PCDHGA1: variants seen among roughly 807,000 people sequenced by gnomAD.
PCDHGA1 encodes the protein protocadherin gamma subfamily A, 1.
PCDHGA1 carries 32 observed loss-of-function variants against 58.0 expected under a neutral mutation model. That is an observed-to-expected ratio of 0.55 (90% confidence interval 0.42 to 0.74). The LOEUF is 0.74. Among genes scored for constraint, PCDHGA1 ranks in the 30% least tolerant of loss-of-function variants. The probability of loss-of-function intolerance (pLI) is 0.00; values close to 1 mark genes in which losing one functional copy is unlikely to be tolerated. For synonymous variants in PCDHGA1, 498 were observed against 501.1 expected (o/e 0.99, Z 0.08); for missense variants, 1,205 against 1,182.3 (o/e 1.02, Z -0.28).
chr5:141,433,204 C>T, intron 1 of PCDHGA1: 6 of 1,566,938 alleles, frequency 3.8e-6, no homozygotes, highest in Admixed American at 2.0e-5. Flanking sequence ...ATCAAATCTT[C>T]TTTCTTTTTT....
rs1354510383 is a variant in PCDHGA1, at chr5:141,432,312, G to A, written c.2422-62495G>A. The A allele has an allele frequency of 5.6e-6, 9 of 1,614,132 alleles. No homozygotes were observed. The highest frequency in any genetic ancestry group is 7.6e-6 in the Non-Finnish European group (9 of 1,180,054). On this transcript the variant is annotated intron_variant, in intron 1 of 3. Transcript: ENST00000517417. The surrounding 1 kb of genome is among the most constrained non-coding windows in gnomAD (Gnocchi z 6.0). Reference sequence around the variant, plus strand: ...GACACTGGGGTACTGTATGCGCTGAGCTCCTTCGACTACGAGCAGTTCCGA... The same window carrying A: ...GACACTGGGGTACTGTATGCGCTGAACTCCTTCGACTACGAGCAGTTCCGA...
Position 141,491,077 on chromosome 5 carries a change from T to TAGGA in PCDHGA1, c.2422-3730_2422-3729insAGGA, listed in dbSNP as rs752090443. 1.2e-6 allele frequency: 2 copies of TAGGA among 1,614,166 alleles called. No homozygotes were observed. Among genetic ancestry groups the TAGGA allele is most frequent in the Admixed American group, 3.3e-5 (2 of 60,014 alleles). On this transcript the variant is annotated intron_variant, in intron 1 of 3. Transcript: ENST00000517417. This position sits in a 1 kb window ranked among gnomAD's most constrained non-coding sequence, Gnocchi z 6.9. The stretch of plus-strand genomic sequence containing the variant: ...GCTCTCCTACTCACTGTTGCCACAG[T>TAGGA]CCACAGCCCCAGGACTGTTCCTCGT...
chr5:141,394,410 A>G, intron 1 of PCDHGA1: 1 of 1,614,210 alleles, frequency 6.2e-7, no homozygotes, highest in Non-Finnish European at 8.5e-7. Context: ...GCTACTGGTA[A>G]CAGCCAGCGA....
At chr5:141,441,703 A>C (rs1329703451) in intron 1 of PCDHGA1, 2 of 312,092 alleles carry the variant, frequency 6.4e-6, no homozygotes, top group Non-Finnish European at 1.3e-5. Context: ...CGAGCCTTCA[A>C]GCTCACGCTG....
chr5:141,398,747 A>G (rs1046077050), intron 1 of PCDHGA1: 5 of 1,613,378 alleles, frequency 3.1e-6, no homozygotes, highest in Non-Finnish European at 4.2e-6. Flanking sequence ...CAACAGAGTT[A>G]CCATCGTTTA....
chr5:141,384,914 T>C, intron 1 of PCDHGA1: 1 of 1,613,988 alleles, frequency 6.2e-7, no homozygotes, highest in Non-Finnish European at 8.5e-7. Flanking sequence ...CCCGAAGTCT[T>C]GGCCGACCTG....
At position 141,491,539 on chromosome 5, in the gene PCDHGA1, A is replaced by G; in HGVS notation, c.2422-3268A>G. ...GTACATGGAGGTGACGCTGCGGCCC[A>G]CAGACTCGCAGAGCCACTGCTACAG... On this transcript the variant is annotated intron_variant, in intron 1 of 3. Coordinates refer to ENST00000517417, the MANE Select transcript of PCDHGA1 (RefSeq NM_018912.3). This position sits in a 1 kb window ranked among gnomAD's most constrained non-coding sequence, Gnocchi z 6.9. The G allele has an allele frequency of 6.2e-7, 1 of 1,613,968 alleles. No homozygotes were observed. The highest frequency in any genetic ancestry group is 1.1e-5 in the South Asian group (1 of 91,074).
chr5:141,374,455 G>T, intron 1 of PCDHGA1: 2 of 1,613,610 alleles, frequency 1.2e-6, no homozygotes, highest in Non-Finnish European at 1.7e-6. Context: ...TGGAAATAGT[G>T]GACATTAATG....
At chr5:141,382,978 T>G in intron 1 of PCDHGA1, 1 of 1,610,702 alleles carries the variant, frequency 6.2e-7, no homozygotes, top group Non-Finnish European at 8.5e-7. Context: ...CTGGGAAGCC[T>G]GGGCAGGACG....
At chr5:141,367,089 C>A in intron 1 of PCDHGA1, 1 of 258,634 alleles carries the variant, frequency 3.9e-6, no homozygotes, top group Non-Finnish European at 7.4e-6. Flanking sequence ...ATATTGTTCT[C>A]TTTTGAGTGT....
rs73792170 is a variant in PCDHGA1, at chr5:141,365,536, T to C, written c.2421+32431T>C. The C allele has an allele frequency of 3.4e-3, 5,425 of 1,613,776 alleles. 115 individuals are homozygous for C. In the African/African-American group the frequency reaches 0.05, roughly 15 times the overall value. On this transcript the variant is annotated intron_variant, in intron 1 of 3. Transcript: ENST00000517417. ...TGGAGAAGTCAGTTGATAATTACTATCACCTATTAACAACTAGGGACCTGG... is the reference window on the plus strand; with the variant it reads ...TGGAGAAGTCAGTTGATAATTACTACCACCTATTAACAACTAGGGACCTGG...
intron 1 of PCDHGA1, chr5:141,370,117 T>A (rs1370014125): frequency 5.2e-6 from 2 of 381,566 alleles, no homozygotes; most frequent in Admixed American, 4.1e-5. Flanking sequence ...CCTAACTAGC[T>A]CCTTATTTGG....
intron 1 of PCDHGA1, chr5:141,370,267 C>G (rs960781969): frequency 3.9e-6 from 3 of 767,522 alleles, no homozygotes; most frequent in Non-Finnish European, 6.1e-6. Flanking sequence ...CTTCCTGCAG[C>G]GGAGACACCC....
chr5:141,339,671 G>C, intron 1 of PCDHGA1: 1 of 1,614,180 alleles, frequency 6.2e-7, no homozygotes, highest in Non-Finnish European at 8.5e-7. Context: ...GAAGGTCCTG[G>C]ATGCGAACGA....
rs1161188105 is a variant in PCDHGA1, at chr5:141,427,974, G to A, written c.2422-66833G>A. 9 of 1,594,458 alleles carry A rather than the reference G, an allele frequency of 5.6e-6. No individual in the cohort carries two copies. In the Admixed American group the frequency reaches 1.5e-4, roughly 27 times the overall value. ...CAATGTGCCGCGGGTGCTGTACCCC[G>A]CGCTGGGGCCCGATGGCTCCGCACT... On this transcript the variant is annotated intron_variant, in intron 1 of 3. Transcript: ENST00000517417.
At position 141,332,716 on chromosome 5, in the gene PCDHGA1, C is replaced by T; in HGVS notation, c.2032C>T (p.Leu678Phe). ...ISDILADLGS[L>F]EPSAKPNDSD... ...CGACATCCTGGCCGACCTGGGCAGC[C>T]TCGAGCCCTCCGCCAAACCCAACGA... Residue 678 changes from leucine to phenylalanine, a missense_variant, in exon 1 of 4, where the codon CTC becomes TTC. Physicochemically the swap from Leu to Phe is conservative, Grantham distance 22. Transcript: ENST00000517417. The surrounding 1 kb of genome is among the most constrained non-coding windows in gnomAD (Gnocchi z 4.6). The T allele has an allele frequency of 1.2e-6, 2 of 1,613,986 alleles. No homozygotes were observed. Among genetic ancestry groups the T allele is most frequent in the Non-Finnish European group, 1.7e-6 (2 of 1,179,958 alleles).
At chr5:141,379,831 C>T (rs1242791393) in intron 1 of PCDHGA1, among the ~76,000 whole-genome samples, 3 of 142,262 alleles carry the variant, frequency 2.1e-5, no homozygotes, top group Non-Finnish European at 4.5e-5. Context: ...TTTGAAGCAT[C>T]AGGAAAAAAA....
intron 1 of PCDHGA1, chr5:141,415,857 T>G (rs1271614762): frequency 1.7e-6 from 2 of 1,194,900 alleles, no homozygotes; most frequent in Non-Finnish European, 2.2e-6. Flanking sequence ...AACCTTGTAG[T>G]TTATAGTGTT....
chr5:141,361,529 ATCC>A (rs768400418), intron 1 of PCDHGA1: 1 of 1,614,030 alleles, frequency 6.2e-7, no homozygotes, highest in South Asian at 1.1e-5. Context: ...GCAGAGAACA[ATCC>A]TCCTGGCGCC....
Sources: gnomAD v4.1 joint callset for allele counts (sites outside exome capture counted in the v4.1 genomes callset) on GRCh38, gnomAD v4.1.1 for gene constraint, Gnocchi (gnomAD v3.1) non-coding constraint, MANE v1.5 for transcripts, NCBI Gene and HGNC (gene_info 2026-07-23, HGNC 2026-07-21) for gene names.